The following ANKRD42 variants were observed in gnomAD, a reference collection of about 807,000 sequenced individuals.
The protein encoded by ANKRD42 is ankyrin repeat domain-containing protein 42.
In ANKRD42, 43 loss-of-function variants were observed where a neutral mutation model predicts 51.5. The observed-to-expected ratio is 0.83, with a 90% confidence interval of 0.65 to 1.08. The LOEUF is 1.08. ANKRD42 is among the 50% of genes least tolerant of loss of function. The pLI is 0.00. For synonymous variants in ANKRD42, 203 were observed against 213.0 expected, an observed-to-expected ratio of 0.95 and a Z score of 0.41; for missense variants, 608 against 629.3, an observed-to-expected ratio of 0.97 and a Z score of 0.36.
At chr11:83,240,563 G>C (rs562640898) in intron 8 of ANKRD42, among the ~76,000 whole-genome samples, 196 bp from the exon 9 acceptor site, 7 of 152,114 alleles carry the variant, frequency 4.6e-5, no homozygotes, top group African/African-American at 1.7e-4. Context: ...ATAATTGTCC[G>C]TAGTGCCAAG....
downstream of ANKRD42, among the ~76,000 whole-genome samples, chr11:83,263,635 G>A (rs142000979): frequency 2.8e-3 from 429 of 152,294 alleles, 3 homozygotes; most frequent in African/African-American, 9.5e-3. Flanking sequence ...AAAAGGTGGC[G>A]TCTGACCCAC....
intron 7 of ANKRD42, among the ~76,000 whole-genome samples, chr11:83,232,100 GCTTTT>G (rs1301822826): frequency 1.3e-5 from 1 of 77,644 alleles, no homozygotes; most frequent in Non-Finnish European, 2.5e-5. Flanking sequence ...ATAAATTTTA[GCTTTT>G]TTTTTTTTTT....
Position 83,248,561 on chromosome 11 carries a change from T to C in ANKRD42, c.*357T>C. ...GAATGGAATCCATATTTTCTTTCCA[T>C]AGGGAAGTTTCTTCATCAATCATCA... is the stretch of plus-strand genomic sequence containing the variant. On this transcript the variant is annotated 3_prime_UTR_variant, in exon 11 of 11. Transcript: ENST00000533342. The C allele has an allele frequency of 1.0e-6, 1 of 994,834 alleles. No individual in the cohort carries two copies. Among genetic ancestry groups the C allele is most frequent in the African/African-American group, 1.7e-5 (1 of 57,746 alleles). The allele number at this position is 994,834 out of a possible 1,614,324, so 61.6% of individuals were successfully genotyped here.
downstream of ANKRD42, among the ~76,000 whole-genome samples, chr11:83,258,504 G>C (rs1404695010): frequency 6.6e-6 from 1 of 152,132 alleles, no homozygotes; most frequent in Non-Finnish European, 1.5e-5. Context: ...GAGTCCCTGT[G>C]ACTTACTTGC....
chr11:83,257,278 C>G (rs1863790494), downstream of ANKRD42: 1 of 455,592 alleles, frequency 2.2e-6, no homozygotes, highest in East Asian at 7.0e-5. Context: ...AGGGCTCCTG[C>G]CAGGGAAGCC....
intron 5 of ANKRD42, chr11:83,213,081 A>T: frequency 6.2e-7 from 1 of 1,600,616 alleles, no homozygotes; most frequent in South Asian, 1.1e-5. Flanking sequence ...CACCAGACTG[A>T]CTGATATGTC....
chr11:83,220,252 TAGAG>T (rs997990151), intron 5 of ANKRD42, among the ~76,000 whole-genome samples: 10 of 152,276 alleles, frequency 6.6e-5, no homozygotes, highest in Admixed American at 2.6e-4. Flanking sequence ...CGGGGGTTGT[TAGAG>T]AGCCCTTTTC....
chr11:83,231,314 A>G (rs1156992831), intron 7 of ANKRD42, among the ~76,000 whole-genome samples: 2 of 152,158 alleles, frequency 1.3e-5, no homozygotes, highest in East Asian at 3.9e-4. Context: ...ACTATCCATG[A>G]TGTTGAGTGC....
At chr11:83,203,139 A>C (rs1388562066) in intron 2 of ANKRD42, among the ~76,000 whole-genome samples, 1 of 151,636 alleles carries the variant, frequency 6.6e-6, no homozygotes, top group Non-Finnish European at 1.5e-5. Flanking sequence ...CTACAGGTGC[A>C]TGTGCCACCA....
intron 11 of ANKRD42, among the ~76,000 whole-genome samples, chr11:83,255,104 C>G (rs1863743825): frequency 6.6e-6 from 1 of 152,228 alleles, no homozygotes; most frequent in African/African-American, 2.4e-5. Flanking sequence ...CAGCCATGGG[C>G]TCTCCCCAGG....
intron 6 of ANKRD42, among the ~76,000 whole-genome samples, chr11:83,227,537 G>T (rs1343656230): frequency 6.6e-6 from 1 of 152,182 alleles, no homozygotes; most frequent in African/African-American, 2.4e-5. Flanking sequence ...CTTCTGGCAT[G>T]TTTGAAGTCC....
intron 1 of ANKRD42, among the ~76,000 whole-genome samples, chr11:83,195,419 G>T (rs1459126472): frequency 6.6e-6 from 1 of 152,156 alleles, no homozygotes; most frequent in East Asian, 1.9e-4. Flanking sequence ...GGGTGAGTAT[G>T]GGTGTCAGAA....
At chr11:83,211,076 A>G (rs1266257834) in intron 4 of ANKRD42, among the ~76,000 whole-genome samples, 1 of 152,224 alleles carries the variant, frequency 6.6e-6, no homozygotes. Flanking sequence ...TCGTTTTTAA[A>G]AACTATTTTA....
chr11:83,214,875 C>G (rs1471997745), intron 5 of ANKRD42: 1 of 152,290 alleles, frequency 6.6e-6, no homozygotes, highest in Admixed American at 6.5e-5. Flanking sequence ...TGTTCTTGCT[C>G]TCTCCGTGCT....
intron 5 of ANKRD42, among the ~76,000 whole-genome samples, chr11:83,216,588 T>C (rs1011705635): frequency 1.3e-5 from 2 of 152,112 alleles, no homozygotes; most frequent in East Asian, 1.9e-4. Flanking sequence ...CCTCCCAAAG[T>C]GCTGGGATTA....
At chr11:83,199,991 T>G (rs1861806175) in intron 2 of ANKRD42, among the ~76,000 whole-genome samples, 1 of 152,102 alleles carries the variant, frequency 6.6e-6, no homozygotes, top group Non-Finnish European at 1.5e-5. Context: ...ACATTCCTAT[T>G]TGTTCTGCAC....
chr11:83,228,855 C>T (rs553106), intron 7 of ANKRD42, among the ~76,000 whole-genome samples: 5,713 of 152,146 alleles, frequency 0.038, 163 homozygotes, highest in Non-Finnish European at 0.056. Context: ...TCACTCCATC[C>T]ATTTCTGCTG....
intron 7 of ANKRD42, among the ~76,000 whole-genome samples, chr11:83,234,069 C>G (rs1473411804): frequency 6.6e-6 from 1 of 152,158 alleles, no homozygotes; most frequent in African/African-American, 2.4e-5. Flanking sequence ...TGCTTTTGCT[C>G]TATCTCATAG....
At chr11:83,229,499 G>A (rs1397257124) in intron 7 of ANKRD42, among the ~76,000 whole-genome samples, 2 of 152,122 alleles carry the variant, frequency 1.3e-5, no homozygotes, top group East Asian at 1.9e-4. Context: ...CTCACTCATG[G>A]TGCTCATAGT....
Sources: gnomAD v4.1 joint callset for allele counts (sites outside exome capture counted in the v4.1 genomes callset) on GRCh38, gnomAD v4.1.1 for gene constraint, MANE v1.5 for transcripts, NCBI Gene and HGNC (gene_info 2026-07-23, HGNC 2026-07-21) for gene names.